DNAH9: variants seen among roughly 807,000 people sequenced by gnomAD.
DNAH9 encodes the protein dynein axonemal heavy chain 9, also known as DNAH9 variant protein.
DNAH9 carries 345 observed loss-of-function variants against 471.6 expected under a neutral mutation model. The ratio of observed to expected loss-of-function variants is 0.73; its 90% CI spans 0.67 to 0.80. DNAH9 has a LOEUF of 0.80. DNAH9 is among the 30% of genes least tolerant of loss of function. The pLI is 0.00. For missense variants in DNAH9, 5,407 were observed against 5,609.2 expected (o/e 0.96, Z 1.15); for synonymous variants, 2,093 against 2,123.6 (o/e 0.99, Z 0.40).
chr17:11,735,364 C>T (rs2075328164), intron 28 of DNAH9, among the ~76,000 whole-genome samples: 1 of 152,150 alleles, frequency 6.6e-6, no homozygotes, highest in South Asian at 2.1e-4. Flanking sequence ...AGAGGGATTG[C>T]AAACTCATTC....
intron 65 of DNAH9, among the ~76,000 whole-genome samples, chr17:11,936,228 T>C (rs1345960263): frequency 6.6e-6 from 1 of 151,722 alleles, no homozygotes; most frequent in East Asian, 1.9e-4. Flanking sequence ...GAATGGGCAA[T>C]CTATTAGGCT....
chr17:11,692,929 G>A (rs1021452230), intron 20 of DNAH9, among the ~76,000 whole-genome samples: 1 of 152,066 alleles, frequency 6.6e-6, no homozygotes, highest in Non-Finnish European at 1.5e-5. Flanking sequence ...TCGTTGAGAT[G>A]GAGTCTCGCT....
intron 60 of DNAH9, among the ~76,000 whole-genome samples, chr17:11,904,630 C>CAAAAAAAAA (rs202059757): frequency 3.3e-3 from 371 of 111,370 alleles, no homozygotes; most frequent in Non-Finnish European, 4.8e-3. Flanking sequence ...GACTCCATCT[C>CAAAAAAAAA]AAAAAAAAAA....
rs1459627424 is a variant in DNAH9 at position 11,598,513 on chromosome 17, G to A, written c.15G>A (p.Glu5=). ...GGCCGCGCGCGATGCGGCTCGCGGA[G>A]GAGCGGGCCGCGCTCGCGGCGGAGA... MRLA[E]ERAALAAENA... The change falls in exon 1 of 69, where the codon GAG becomes GAA. Residue 5 remains glutamate, a synonymous_variant. Transcript: ENST00000262442. 26 of 1,350,048 alleles carry A rather than the reference G, an allele frequency of 1.9e-5. No homozygotes were observed. The highest frequency in any genetic ancestry group is 3.4e-5 in the South Asian group (2 of 59,292). 83.6% of individuals were successfully genotyped at this position (1,350,048 alleles called of 1,614,324 possible).
At chr17:11,754,849 A>G (rs1217634326) in intron 33 of DNAH9, among the ~76,000 whole-genome samples, 1 of 152,146 alleles carries the variant, frequency 6.6e-6, no homozygotes, top group Non-Finnish European at 1.5e-5. Context: ...CCCATTTGTC[A>G]ATTTTGCATT....
chr17:11,966,185 A>G (rs1976702577), intron 68 of DNAH9, among the ~76,000 whole-genome samples: 1 of 152,260 alleles, frequency 6.6e-6, no homozygotes, highest in African/African-American at 2.4e-5. Flanking sequence ...AAACTGGTGA[A>G]AGATAAAGAA....
intron 1 of DNAH9, among the ~76,000 whole-genome samples, chr17:11,599,174 C>T (rs2072332605): frequency 6.6e-6 from 1 of 151,892 alleles, no homozygotes; most frequent in Admixed American, 6.6e-5. Flanking sequence ...GAGGCCAGGC[C>T]AGAATGAGAA....
chr17:11,961,430 G>A (rs551451643), intron 67 of DNAH9, among the ~76,000 whole-genome samples: 1 of 152,204 alleles, frequency 6.6e-6, no homozygotes, highest in African/African-American at 2.4e-5. Context: ...CTCGATTTCT[G>A]AAAGAAATCC....
At chr17:11,639,122 A>T (rs2073217724) in intron 9 of DNAH9, among the ~76,000 whole-genome samples, 1 of 152,204 alleles carries the variant, frequency 6.6e-6, no homozygotes, top group African/African-American at 2.4e-5. Flanking sequence ...TCATGACCAC[A>T]GGAGTACGCT....
At chr17:11,801,901 AT>A (rs201978854) in intron 43 of DNAH9, among the ~76,000 whole-genome samples, 9 of 152,140 alleles carry the variant, frequency 5.9e-5, no homozygotes, top group African/African-American at 2.2e-4. Context: ...GAAAAAAAAA[AT>A]AATAAGTACT....
In DNAH9 at chr17:11,598,596, C is replaced by A; in HGVS notation, c.98C>A (p.Ala33Asp). Reference protein sequence around the residue: ...RRLRLLGTYVAMSLRPAAGAW... With the variant: ...RRLRLLGTYVDMSLRPAAGAW... ...CTGCGACTCCTGGGGACCTACGTGGCCATGAGCCTGCGGCCGGCTGCGGGC... is the reference window on the plus strand; with the variant it reads ...CTGCGACTCCTGGGGACCTACGTGGACATGAGCCTGCGGCCGGCTGCGGGC... Residue 33 changes from alanine (A) to aspartate (D), a missense_variant, in exon 1 of 69, where the codon GCC (alanine) becomes GAC (aspartate). Ala to Asp is a moderately radical substitution (Grantham distance 126). Coordinates refer to ENST00000262442, the MANE Select transcript of DNAH9 (RefSeq NM_001372.4). The A allele has an allele frequency of 7.3e-7, 1 of 1,362,672 alleles. No individual in the cohort carries two copies. Among genetic ancestry groups the A allele is most frequent in the Non-Finnish European group, 9.4e-7 (1 of 1,063,960 alleles). The allele number at this position is 1,362,672 out of a possible 1,614,324, so 84.4% of individuals were successfully genotyped here. A position where few individuals can be genotyped will look rare whatever the true frequency, so the allele number is the denominator to read the frequency against.
At chr17:11,745,559 G>T (rs1164333230) in intron 31 of DNAH9, among the ~76,000 whole-genome samples, 1 of 152,012 alleles carries the variant, frequency 6.6e-6, no homozygotes, top group Non-Finnish European at 1.5e-5. Flanking sequence ...GAAGAAACCC[G>T]ACAACACGCA....
At chr17:11,636,558 G>C (rs2073170590) in intron 8 of DNAH9, 76 bp from the exon 9 acceptor site, 2 of 1,245,418 alleles carry the variant, frequency 1.6e-6, no homozygotes, top group South Asian at 1.3e-5. Flanking sequence ...AGGAAAACCA[G>C]AACACTGGAT....
At chr17:11,784,279 A>T (rs776329338) in intron 40 of DNAH9, 21 bp from the exon 41 acceptor site, 4 of 1,611,832 alleles carry the variant, frequency 2.5e-6, no homozygotes, top group Non-Finnish European at 3.4e-6. Context: ...TGTTGAGCTC[A>T]TGCCTTTGTT....
rs76079498 is a variant in DNAH9 at position 11,766,085 on chromosome 17, A to G, written c.7171-2368A>G. On this transcript the variant is annotated intron_variant, in intron 36 of 68. Coordinates refer to ENST00000262442, the MANE Select transcript of DNAH9 (RefSeq NM_001372.4). ...ACAGCCCTGCCAGCAACCTGGGAAG[A>G]GGACAAGGGAGAAAGCTTTTAGCAG... Among the ~76,000 whole-genome samples the G allele has an allele frequency of 3.9e-5, 6 of 152,298 alleles. No homozygotes were observed. In the East Asian group the frequency reaches 1.2e-3, roughly 29 times the overall value.
chr17:11,941,859 CTG>C (rs1356462632), intron 66 of DNAH9, among the ~76,000 whole-genome samples: 14 of 151,592 alleles, frequency 9.2e-5, no homozygotes, highest in Admixed American at 6.7e-4. Context: ...TTGTATATAA[CTG>C]TATATTGATA....
Position 11,863,411 on chromosome 17 carries a change from G to A in DNAH9, c.9934-5723G>A, listed in dbSNP as rs574681166. Among the ~76,000 whole-genome samples the A allele has an allele frequency of 6.2e-3, 947 of 152,220 alleles. 6 individuals are homozygous for A. The highest frequency in any genetic ancestry group is 0.025 in the South Asian group (122 of 4,810). Reference sequence around the variant, plus strand: ...GGATAAGCTTTTTGATGTGCTGCTGGATTCGGTTTGCCAGTATTTTATTGA... The same window carrying A: ...GGATAAGCTTTTTGATGTGCTGCTGAATTCGGTTTGCCAGTATTTTATTGA... On this transcript the variant is annotated intron_variant, in intron 50 of 68. Transcript: ENST00000262442.
At chr17:11,714,996 A>C (rs1213668841) in intron 26 of DNAH9, among the ~76,000 whole-genome samples, 1 of 152,196 alleles carries the variant, frequency 6.6e-6, no homozygotes, top group Non-Finnish European at 1.5e-5. Flanking sequence ...TCTGGCCCAC[A>C]GAAGTGTGAG....
intron 34 of DNAH9, among the ~76,000 whole-genome samples, chr17:11,756,909 G>T (rs931311566): frequency 3.3e-5 from 5 of 152,172 alleles, no homozygotes; most frequent in African/African-American, 1.2e-4. Flanking sequence ...GCCAGTTCTA[G>T]CCTCCACGTC....
Sources: gnomAD v4.1 joint callset for allele counts (sites outside exome capture counted in the v4.1 genomes callset) on GRCh38, gnomAD v4.1.1 for gene constraint, MANE v1.5 for transcripts, NCBI Gene and HGNC (gene_info 2026-07-23, HGNC 2026-07-21) for gene names.